The following ROS1 variants were observed in gnomAD, a reference collection of about 807,000 sequenced individuals.
The protein encoded by ROS1 is proto-oncogene tyrosine-protein kinase ROS.
In ROS1, 263 loss-of-function variants were observed where a neutral mutation model predicts 273.5. The observed-to-expected ratio is 0.96, with a 90% CI of 0.87 to 1.06. ROS1 has a LOEUF of 1.06. Among genes scored for constraint, ROS1 ranks in the 50% least tolerant of loss-of-function variants. The probability of loss-of-function intolerance (pLI) is 0.00; values close to 1 mark genes in which losing one functional copy is unlikely to be tolerated. For synonymous variants in ROS1, 1,008 were observed against 954.1 expected, an observed-to-expected ratio of 1.06 and a Z score of -1.04; for missense variants, 2,833 against 2,751.1, an observed-to-expected ratio of 1.03 and a Z score of -0.67.
At chr6:117,415,197 G>A (rs961658197) in intron 3 of ROS1, among the ~76,000 whole-genome samples, 1 of 152,192 alleles carries the variant, frequency 6.6e-6, no homozygotes, top group African/African-American at 2.4e-5. Context: ...TAGCCACTAA[G>A]TCCAGATAGC....
chr6:117,344,072 T>A lies in ROS1; in HGVS notation c.4494A>T (p.Lys1498Asn). 1 of 1,612,958 alleles carries A rather than the reference T, an allele frequency of 6.2e-7. No individual in the cohort carries two copies. The stretch of plus-strand genomic sequence containing the variant: ...GTTCCAATCTTACCAGAATTCTATA[T>A]TTCAAGTCAGAGCTGTTTTTCCTGT... ...VNDRKNSSDL[K>N]YRILEFQDSI... Residue 1498 changes from lysine (K) to asparagine (N), a missense_variant, in exon 28 of 44, where the codon AAA becomes AAT. By Grantham distance (94) the Lys-to-Asn change is moderately conservative. Coordinates refer to ENST00000368507, the MANE Select transcript of ROS1 (RefSeq NM_001378902.1).
intron 2 of ROS1, among the ~76,000 whole-genome samples, chr6:117,418,056 C>A (rs9489155): frequency 0.32 from 48,849 of 152,042 alleles, 8,716 homozygotes; most frequent in African/African-American, 0.47. Flanking sequence ...TGGCACAGTG[C>A]CTTGTGCATG....
At chr6:117,308,717 A>T (rs2128545602) in intron 42 of ROS1, 77 bp downstream of exon 42, 1 of 1,408,276 alleles carries the variant, frequency 7.1e-7, no homozygotes, top group Non-Finnish European at 9.7e-7. Context: ...AATTTAACAA[A>T]CTATATCAAG....
At chr6:117,386,223 C>T (rs972109024) in intron 15 of ROS1, among the ~76,000 whole-genome samples, 1 of 152,230 alleles carries the variant, frequency 6.6e-6, no homozygotes, top group African/African-American at 2.4e-5. Context: ...ACAGATACAT[C>T]AAGAGGAAGC....
intron 32 of ROS1, among the ~76,000 whole-genome samples, 182 bp from the exon 33 acceptor site, chr6:117,329,628 AGT>A (rs934077575): frequency 6.6e-6 from 1 of 152,108 alleles, no homozygotes; most frequent in African/African-American, 2.4e-5. Flanking sequence ...AACCATAATA[AGT>A]GTGTGAGTCC....
intron 21 of ROS1, among the ~76,000 whole-genome samples, chr6:117,363,574 T>G (rs985966092): frequency 6.6e-6 from 1 of 152,176 alleles, no homozygotes; most frequent in Admixed American, 6.5e-5. Flanking sequence ...TGCTATTTAA[T>G]GTTTAACACT....
At chr6:117,378,415 G>C (rs192893224) in intron 18 of ROS1, among the ~76,000 whole-genome samples, 2 of 152,214 alleles carry the variant, frequency 1.3e-5, no homozygotes, top group East Asian at 3.9e-4. Flanking sequence ...GATACAAAAA[G>C]TACATATTTC....
At chr6:117,396,451 C>G (rs780826965) in intron 8 of ROS1, among the ~76,000 whole-genome samples, 187 bp from the exon 9 acceptor site, 2 of 152,158 alleles carry the variant, frequency 1.3e-5, no homozygotes, top group South Asian at 4.1e-4. Flanking sequence ...TCCCCTAGAA[C>G]AGTTCAGGGT....
At chr6:117,360,057 T>C in intron 23 of ROS1, 46 bp from the exon 24 acceptor site, 2 of 1,489,318 alleles carry the variant, frequency 1.3e-6, no homozygotes, top group South Asian at 1.2e-5. Context: ...GAAAACTGAC[T>C]TTAGCTTAGC....
intron 19 of ROS1, 70 bp downstream of exon 19, chr6:117,366,006 T>A (rs1245503237): frequency 2.3e-6 from 3 of 1,292,316 alleles, no homozygotes; most frequent in East Asian, 4.6e-5. Context: ...GAAAAAAAAA[T>A]ATCCCAACCT....
At chr6:117,333,122 G>A (rs2128606283) in intron 32 of ROS1, among the ~76,000 whole-genome samples, 1 of 146,288 alleles carries the variant, frequency 6.8e-6, no homozygotes, top group African/African-American at 2.5e-5. Flanking sequence ...TAAAGAAGGA[G>A]ACAGAGAAGA....
chr6:117,407,699 G>A (rs1213415186), intron 5 of ROS1, among the ~76,000 whole-genome samples: 1 of 152,092 alleles, frequency 6.6e-6, no homozygotes, highest in African/African-American at 2.4e-5. Context: ...TTTCTTCACA[G>A]AATTAGAAAA....
intron 12 of ROS1, among the ~76,000 whole-genome samples, chr6:117,391,528 C>T (rs1035956939): frequency 3.9e-5 from 6 of 152,236 alleles, no homozygotes; most frequent in African/African-American, 1.4e-4. Flanking sequence ...AATGAGGAGA[C>T]AATTTGCAGT....
rs1335978201 is a variant in ROS1 at position 117,344,042 on chromosome 6, C to T, written c.4506+18G>A. 5 of 1,574,956 alleles carry T rather than the reference C, an allele frequency of 3.2e-6. No individual in the cohort carries two copies. Among genetic ancestry groups the T allele is most frequent in the Non-Finnish European group, 4.4e-6 (5 of 1,144,834 alleles). ...GAACATCTTGTGAAAAGACAAAGACCACTAGTTCCAATCTTACCAGAATTC... is the reference window on the plus strand; with the variant it reads ...GAACATCTTGTGAAAAGACAAAGACTACTAGTTCCAATCTTACCAGAATTC... On this transcript the variant is annotated intron_variant, in intron 28 of 43. Transcript: ENST00000368507.
chr6:117,352,735 C>G (rs186833257), intron 27 of ROS1, among the ~76,000 whole-genome samples: 2 of 152,106 alleles, frequency 1.3e-5, no homozygotes, highest in African/African-American at 4.8e-5. Flanking sequence ...AGAGGCCAGG[C>G]AGAGAGAACA....
At chr6:117,358,090 A>G in intron 24 of ROS1, 81 bp from the exon 25 acceptor site, 7 of 880,470 alleles carry the variant, frequency 8.0e-6, no homozygotes, top group South Asian at 1.6e-5. Flanking sequence ...CACCCATATC[A>G]TTTGTTTACT....
intron 33 of ROS1, among the ~76,000 whole-genome samples, chr6:117,327,067 C>A (rs2128584810): frequency 6.6e-6 from 1 of 152,184 alleles, no homozygotes; most frequent in Admixed American, 6.5e-5. Flanking sequence ...TATGTCTTCT[C>A]TAACAATGAA....
At position 117,416,911 on chromosome 6, in the gene ROS1, G is replaced by A. The variant is rs145816111; in HGVS notation, c.169-594C>T. ...ACCTGTCTTGACCATTCCCTCCACA[G>A]GCCACGGTGGCACCTGGATTCCTTT... On this transcript the variant is annotated intron_variant, in intron 2 of 43. Transcript: ENST00000368507. Among the ~76,000 whole-genome samples, 510 of 152,174 alleles carry A rather than the reference G, an allele frequency of 3.4e-3. 1 individual carries two copies. The highest frequency in any genetic ancestry group is 5.7e-3 in the Non-Finnish European group (386 of 67,994).
chr6:117,381,183 G>GC (rs1554245750), intron 17 of ROS1, among the ~76,000 whole-genome samples: 2 of 118,540 alleles, frequency 1.7e-5, no homozygotes, highest in Non-Finnish European at 3.7e-5. Flanking sequence ...GCAGAGGACT[G>GC]TTTTTTTTTT....
Sources: gnomAD v4.1 joint callset for allele counts (sites outside exome capture counted in the v4.1 genomes callset) on GRCh38, gnomAD v4.1.1 for gene constraint, MANE v1.5 for transcripts, NCBI Gene and HGNC (gene_info 2026-07-23, HGNC 2026-07-21) for gene names.